Variants in RABL2A observed in about 807,000 individuals in gnomAD.
RABL2A encodes the protein RAB, member of RAS oncogene family like 2A, also known as rab-like protein 2A.
A neutral mutation model predicts 30.7 loss-of-function variants in RABL2A; 17 were observed. The observed-to-expected ratio is 0.55, with a 90% CI of 0.38 to 0.83. The LOEUF (loss-of-function observed/expected upper bound fraction) is 0.83. RABL2A is among the 40% of genes least tolerant of loss of function. RABL2A has a pLI of 0.00. For missense variants in RABL2A, 155 were observed against 272.6 expected, an observed-to-expected ratio of 0.57 and a Z score of 3.04; for synonymous variants, 64 against 101.8, an observed-to-expected ratio of 0.63 and a Z score of 2.24.
At chr2:113,631,346 AC>A (rs58083126) in intron 2 of RABL2A, among the ~76,000 whole-genome samples, 11 of 150,960 alleles carry the variant, frequency 7.3e-5, no homozygotes, top group African/African-American at 2.2e-4. Context: ...GCAAAGGCAC[AC>A]CCCCCCCACC....
At chr2:113,631,217 C>G (rs1402205223) in intron 2 of RABL2A, among the ~76,000 whole-genome samples, 1 of 152,146 alleles carries the variant, frequency 6.6e-6, no homozygotes, top group Non-Finnish European at 1.5e-5. Flanking sequence ...CTTTCTGATT[C>G]CATCTTTAAG....
In RABL2A at chr2:113,632,840, G is replaced by A. The variant is rs1680927015; in HGVS notation, c.108-75G>A. 12 of 1,613,090 alleles carry A rather than the reference G, an allele frequency of 7.4e-6. No individual in the cohort carries two copies. The South Asian group carries it at 1.1e-4, about 15-fold the overall frequency. ...GCCACAGGTGGCTTCCAGGTTGTCA[G>A]CCTTAGGGTGAAAAAGTCTGGGACA... On this transcript the variant is annotated intron_variant, in intron 2 of 8. Coordinates refer to ENST00000683472, the MANE Select transcript of RABL2A (RefSeq NM_001306158.2).
At chr2:113,637,061 C>T (rs1210205801) in intron 5 of RABL2A, among the ~76,000 whole-genome samples, 1 of 152,144 alleles carries the variant, frequency 6.6e-6, no homozygotes, top group Non-Finnish European at 1.5e-5. Flanking sequence ...ACCTTTCTAG[C>T]CCTACCTCCC....
chr2:113,635,200 C>A (rs1682095675), intron 5 of RABL2A, 70 bp downstream of exon 5: 1 of 1,500,062 alleles, frequency 6.7e-7, no homozygotes, highest in Non-Finnish European at 9.2e-7. Context: ...GGCCTAGCAG[C>A]CCTGGGCCCT....
chr2:113,631,824 C>G (rs1320407935), intron 2 of RABL2A, among the ~76,000 whole-genome samples: 1 of 151,726 alleles, frequency 6.6e-6, no homozygotes, highest in Non-Finnish European at 1.5e-5. Context: ...GAGCATGTGC[C>G]CTCTCAAGAC....
In RABL2A at chr2:113,632,921, G is replaced by A; in HGVS notation, c.114G>A (p.Met38Ile). 1 of 1,614,180 alleles carries A rather than the reference G, an allele frequency of 6.2e-7. No individual in the cohort carries two copies. Among genetic ancestry groups the A allele is most frequent in the Non-Finnish European group, 8.5e-7 (1 of 1,180,036 alleles). Reference sequence around the variant, plus strand: ...TTGCCTGTTCTGCTTACAGACTCATGGAGAGATTTCTCATGGATGGCTTGT... The same window carrying A: ...TTGCCTGTTCTGCTTACAGACTCATAGAGAGATTTCTCATGGATGGCTTGT... ...GDSAVGKSKL[M>I]ERFLMDGFQP... The change falls in exon 3 of 9, where the codon ATG becomes ATA. Residue 38 changes from methionine (M) to isoleucine (I), a missense_variant. Coordinates refer to ENST00000683472, the MANE Select transcript of RABL2A (RefSeq NM_001306158.2).
chr2:113,640,192 GA>G (rs963279962), intron 5 of RABL2A: 1 of 152,162 alleles, frequency 6.6e-6, no homozygotes, highest in African/African-American at 2.4e-5. Flanking sequence ...TAAAACTCTA[GA>G]AACATTTACA....
At chr2:113,637,701 A>C (rs1683465230) in intron 5 of RABL2A, 1 of 1,280,080 alleles carries the variant, frequency 7.8e-7, no homozygotes, top group African/African-American at 1.5e-5. Flanking sequence ...AGTGTAGTGC[A>C]GAAGTCTGAC....
intron 2 of RABL2A, 53 bp from the exon 3 acceptor site, chr2:113,632,862 G>C (rs1680940740): frequency 6.2e-7 from 1 of 1,614,126 alleles, no homozygotes; most frequent in Admixed American, 1.7e-5. Context: ...AAAAGTCTGG[G>C]ACAAGGGAGA....
chr2:113,635,209 C>T (rs1682102453), intron 5 of RABL2A, 79 bp downstream of exon 5: 1 of 1,445,188 alleles, frequency 6.9e-7, no homozygotes, highest in African/African-American at 1.4e-5. Context: ...GCCCTGGGCC[C>T]TTGTAACCAA....
intron 7 of RABL2A, 87 bp from the exon 8 acceptor site, chr2:113,641,694 G>A: frequency 3.3e-6 from 2 of 604,688 alleles, no homozygotes; most frequent in Non-Finnish European, 5.8e-6. Context: ...TAGGAATGGA[G>A]TATTGTGTAG....
intron 5 of RABL2A, 32 bp from the exon 6 acceptor site, chr2:113,640,862 C>T (rs370706326): frequency 1.2e-4 from 197 of 1,613,552 alleles, no homozygotes; most frequent in Non-Finnish European, 1.6e-4. Context: ...ATTGACATAC[C>T]TGAGCTATCT....
intron 2 of RABL2A, among the ~76,000 whole-genome samples, chr2:113,631,958 C>G (rs916962339): frequency 1.1e-5 from 1 of 90,190 alleles, no homozygotes; most frequent in African/African-American, 8.1e-5. Flanking sequence ...GGTGCTGTTT[C>G]TTTATAGTTA....
intron 5 of RABL2A, among the ~76,000 whole-genome samples, chr2:113,636,910 A>T (rs1040806684): frequency 6.6e-5 from 10 of 151,706 alleles, no homozygotes; most frequent in Non-Finnish European, 1.5e-4. Context: ...AATGGCGTGA[A>T]CCCAGGAGGC....
intron 5 of RABL2A, among the ~76,000 whole-genome samples, chr2:113,636,920 C>T (rs1369660199): frequency 2.6e-5 from 4 of 151,394 alleles, no homozygotes; most frequent in Admixed American, 6.6e-5. Flanking sequence ...ACCCAGGAGG[C>T]GGAGCTTGCA....
At chr2:113,630,778 T>C (rs1227396654) in intron 2 of RABL2A, among the ~76,000 whole-genome samples, 4 of 152,174 alleles carry the variant, frequency 2.6e-5, no homozygotes, top group Non-Finnish European at 1.5e-5. Context: ...GCTTTTCCTT[T>C]GCTCCTGCAC....
intron 4 of RABL2A, 134 bp downstream of exon 4, chr2:113,634,366 A>G: frequency 9.2e-7 from 1 of 1,091,590 alleles, no homozygotes; most frequent in Non-Finnish European, 1.3e-6. Context: ...AAGGGGTGCT[A>G]GAGAGAACCC....
chr2:113,630,628 G>A (rs577120672), intron 2 of RABL2A, among the ~76,000 whole-genome samples: 1 of 151,034 alleles, frequency 6.6e-6, no homozygotes, highest in African/African-American at 2.4e-5. Flanking sequence ...CTTTCTTTAA[G>A]GTGCCTTTTT....
At position 113,629,477 on chromosome 2, in the gene RABL2A, G is replaced by GTCTC. The variant is rs141881303; in HGVS notation, c.107+780_107+783dup. ...CCATCTCCATGAATTTGAATTCTCT[G>GTCTC]TCTCTCTCTCTCTCTCTCTTCCCCA... is the stretch of plus-strand genomic sequence containing the variant. On this transcript the variant is annotated intron_variant, in intron 2 of 8. Transcript: ENST00000683472. 2.2e-3 allele frequency among the ~76,000 whole-genome samples: 325 copies of GTCTC among 148,760 alleles called. 1 individual carries two copies. The highest frequency in any genetic ancestry group is 7.7e-3 in the African/African-American group (310 of 40,398).
Sources: allele counts gnomAD v4.1 joint callset (sites outside exome capture counted in the v4.1 genomes callset), GRCh38; gene constraint gnomAD v4.1.1; transcripts MANE v1.5; gene names NCBI Gene and HGNC (gene_info 2026-07-23, HGNC 2026-07-21).